The following EEF1AKMT1 variants were observed in gnomAD, a reference collection of about 807,000 sequenced individuals.
EEF1AKMT1 encodes the protein EEF1A lysine methyltransferase 1.
Under a neutral mutation model 21.0 loss-of-function variants are expected in EEF1AKMT1, and 18 were observed. The observed-to-expected ratio is 0.86, with a 90% confidence interval of 0.59 to 1.27. EEF1AKMT1 has a LOEUF of 1.27. Among genes scored for constraint, EEF1AKMT1 ranks in the 50% most tolerant of loss-of-function variants. The pLI is 0.00. For synonymous variants in EEF1AKMT1, 109 were observed against 94.8 expected, an observed-to-expected ratio of 1.15 and a Z score of -0.87; for missense variants, 246 against 258.6, an observed-to-expected ratio of 0.95 and a Z score of 0.33.
chr13:20,755,754 T>C (rs1012567686), intron 2 of EEF1AKMT1, among the ~76,000 whole-genome samples: 22 of 152,354 alleles, frequency 1.4e-4, no homozygotes, highest in Admixed American at 1.4e-3. Context: ...GTCTGTCAAT[T>C]TTTATGCTTT....
chr13:20,771,201 CT>C (rs981030082), intron 1 of EEF1AKMT1, among the ~76,000 whole-genome samples: 5 of 152,166 alleles, frequency 3.3e-5, no homozygotes, highest in African/African-American at 1.2e-4. Context: ...CTTTCCACAG[CT>C]GCGTCACTGA....
In EEF1AKMT1 at chr13:20,773,507, A is replaced by G. The variant is rs1047415336; in HGVS notation, c.-20+414T>C. On this transcript the variant is annotated intron_variant, in intron 1 of 4. Coordinates refer to ENST00000382758, the MANE Select transcript of EEF1AKMT1 (RefSeq NM_001318939.2). ...ACAGTCAGGCCTGGGCATTTCGCAA[A>G]CTCCATCAGCGAACTTCTGAGGGCA... Among the ~76,000 whole-genome samples the G allele has an allele frequency of 2.6e-5, 4 of 152,212 alleles. No individual in the cohort carries two copies. The South Asian group carries it at 8.3e-4, about 32-fold the overall frequency.
rs191491605 is a variant in EEF1AKMT1, at chr13:20,769,865, A to G, written c.-20+4056T>C. On this transcript the variant is annotated intron_variant, in intron 1 of 4. Coordinates refer to ENST00000382758, the MANE Select transcript of EEF1AKMT1 (RefSeq NM_001318939.2). ...GGGCCTCATAGACAAAGACTTTAAA[A>G]TAACTATCTTAAAGATTCTCAGATA... Among the ~76,000 whole-genome samples, 276 of 152,296 alleles carry G rather than the reference A, an allele frequency of 1.8e-3. 1 individual carries two copies. Among genetic ancestry groups the G allele is most frequent in the African/African-American group, 5.9e-3 (245 of 41,590 alleles).
At chr13:20,741,145 CAGA>C (rs1318565075) in intron 2 of EEF1AKMT1, among the ~76,000 whole-genome samples, 1 of 151,788 alleles carries the variant, frequency 6.6e-6, no homozygotes, top group East Asian at 2.0e-4. Flanking sequence ...TGGATATGAT[CAGA>C]AGAAGGGGAA....
chr13:20,764,629 T>C (rs2059017760), intron 1 of EEF1AKMT1, among the ~76,000 whole-genome samples: 1 of 152,190 alleles, frequency 6.6e-6, no homozygotes, highest in Non-Finnish European at 1.5e-5. Context: ...TGGATTTGTC[T>C]GTTTCCTTTC....
At chr13:20,756,193 A>G (rs1407696160) in intron 2 of EEF1AKMT1, among the ~76,000 whole-genome samples, 1 of 152,198 alleles carries the variant, frequency 6.6e-6, no homozygotes, top group African/African-American at 2.4e-5. Flanking sequence ...TTCCAGTTGC[A>G]AAGTGTTGAA....
In EEF1AKMT1 at chr13:20,757,542, A is replaced by T. The variant is rs2058977821; in HGVS notation, c.57T>A (p.Ala19=). The T allele has an allele frequency of 1.2e-6, 2 of 1,614,120 alleles. No individual in the cohort carries two copies. The highest frequency in any genetic ancestry group is 4.5e-5 in the East Asian group (2 of 44,886). ...TPQLSAHALA[A]LQEFYAEQKQ... Reference sequence around the variant, plus strand: ...TTTGCTCAGCATAAAATTCCTGGAGAGCTGCTAAGGCATGGGCAGAAAGCT... The same window carrying T: ...TTTGCTCAGCATAAAATTCCTGGAGTGCTGCTAAGGCATGGGCAGAAAGCT... The change falls in exon 2 of 5, where the codon GCT becomes GCA. Residue 19 remains alanine (A), a synonymous_variant. Coordinates refer to ENST00000382758, the MANE Select transcript of EEF1AKMT1 (RefSeq NM_001318939.2).
At chr13:20,737,283 G>T (rs529217045) in intron 3 of EEF1AKMT1, among the ~76,000 whole-genome samples, 1 of 152,080 alleles carries the variant, frequency 6.6e-6, no homozygotes, top group African/African-American at 2.4e-5. Flanking sequence ...AGAATTGCTT[G>T]AATCTGGGAG....
intron 2 of EEF1AKMT1, among the ~76,000 whole-genome samples, chr13:20,755,833 G>A (rs7994377): frequency 0.11 from 17,098 of 152,110 alleles, 1,622 homozygotes; most frequent in East Asian, 0.44. Context: ...TCTAAGCAGT[G>A]GGATTGGACT....
chr13:20,739,777 A>G (rs1197449738), intron 2 of EEF1AKMT1, among the ~76,000 whole-genome samples: 3 of 152,196 alleles, frequency 2.0e-5, no homozygotes, highest in African/African-American at 7.2e-5. Context: ...TTTTAGCTAG[A>G]TACAGAGTGC....
chr13:20,757,374 G>A, intron 2 of EEF1AKMT1, 81 bp downstream of exon 2: 2 of 1,510,912 alleles, frequency 1.3e-6, no homozygotes, highest in Non-Finnish European at 1.8e-6. Flanking sequence ...GGTTTTAGGT[G>A]AGACAGACAA....
At chr13:20,731,172 T>C (rs2058792947) in intron 4 of EEF1AKMT1, among the ~76,000 whole-genome samples, 1 of 126,172 alleles carries the variant, frequency 7.9e-6, no homozygotes, top group South Asian at 2.3e-4. Context: ...CAACCACACC[T>C]GGCTAATGTT....
At chr13:20,738,921 G>C (rs532118702) in intron 2 of EEF1AKMT1, among the ~76,000 whole-genome samples, 2 of 152,332 alleles carry the variant, frequency 1.3e-5, no homozygotes, top group South Asian at 2.1e-4. Flanking sequence ...TGTGTGTCCG[G>C]AATTGGTGGG....
intron 2 of EEF1AKMT1, among the ~76,000 whole-genome samples, chr13:20,746,335 T>C (rs749025486): frequency 6.6e-6 from 1 of 152,160 alleles, no homozygotes; most frequent in Non-Finnish European, 1.5e-5. Context: ...GTATTTTTAG[T>C]AGAGACGGGG....
At chr13:20,769,825 G>A (rs2059054269) in intron 1 of EEF1AKMT1, among the ~76,000 whole-genome samples, 2 of 152,078 alleles carry the variant, frequency 1.3e-5, no homozygotes, top group South Asian at 4.2e-4. Flanking sequence ...CCATCCCTGA[G>A]AAAGACTAGA....
intron 1 of EEF1AKMT1, among the ~76,000 whole-genome samples, chr13:20,759,230 G>GA (rs2058985845): frequency 5.3e-5 from 8 of 152,172 alleles, no homozygotes; most frequent in Admixed American, 5.2e-4. Flanking sequence ...TACAGAATCA[G>GA]AAAAAATATT....
At chr13:20,759,610 A>AC (rs1050857939) in intron 1 of EEF1AKMT1, among the ~76,000 whole-genome samples, 1 of 118,276 alleles carries the variant, frequency 8.5e-6, no homozygotes, top group Non-Finnish European at 2.0e-5. Flanking sequence ...AAACGAAACA[A>AC]AAAAAAAAAG....
chr13:20,760,338 C>T (rs2058994720), intron 1 of EEF1AKMT1, among the ~76,000 whole-genome samples: 1 of 152,016 alleles, frequency 6.6e-6, no homozygotes, highest in Non-Finnish European at 1.5e-5. Context: ...ACATATACAC[C>T]ATGGAATAGT....
intron 2 of EEF1AKMT1, among the ~76,000 whole-genome samples, chr13:20,753,173 C>T (rs28782248): frequency 0.093 from 14,161 of 152,104 alleles, 810 homozygotes; most frequent in Non-Finnish European, 0.13. Flanking sequence ...TTTTGGACTT[C>T]CTCTTTAATT....
Sources: gnomAD v4.1 joint callset for allele counts (sites outside exome capture counted in the v4.1 genomes callset) on GRCh38, gnomAD v4.1.1 for gene constraint, MANE v1.5 for transcripts, NCBI Gene and HGNC (gene_info 2026-07-23, HGNC 2026-07-21) for gene names.